AGMAT: variants seen among roughly 807,000 people sequenced by gnomAD.
The protein encoded by AGMAT is agmatinase (putative).
A neutral mutation model predicts 29.3 loss-of-function variants in AGMAT; 37 were observed. The observed-to-expected ratio is 1.26, with a 90% CI of 0.97 to 1.66. The LOEUF is 1.66. Ranked by LOEUF, AGMAT falls within the 40% of genes most tolerant of loss-of-function variation. The pLI is 0.00. For synonymous variants in AGMAT, 199 were observed against 200.8 expected, an observed-to-expected ratio of 0.99 and a Z score of 0.08; for missense variants, 498 against 497.8, an observed-to-expected ratio of 1.00 and a Z score of 0.00.
At chr1:15,576,305 T>A (rs1639036173) in intron 5 of AGMAT, among the ~76,000 whole-genome samples, 2 of 151,550 alleles carry the variant, frequency 1.3e-5, no homozygotes, top group Admixed American at 6.6e-5. Context: ...TTTCTCCATG[T>A]TAGGCTGGTC....
chr1:15,579,030 G>T lies in AGMAT; in HGVS notation c.549C>A (p.His183Gln). ...AKKHGPVGLL[H>Q]VDAHTDTTDK... Reference sequence around the variant, plus strand: ...CGGTCGTGTCCGTGTGCGCATCCACGTGCAGCAGCCCCACTGGGCCATGCC... The same window carrying T: ...CGGTCGTGTCCGTGTGCGCATCCACTTGCAGCAGCCCCACTGGGCCATGCC... The change falls in exon 4 of 7, where the codon CAC becomes CAA. Residue 183 changes from histidine to glutamine, a missense_variant. Transcript: ENST00000375826. 1.2e-6 allele frequency: 2 copies of T among 1,613,998 alleles called. No individual in the cohort carries two copies. Among genetic ancestry groups the T allele is most frequent in the Non-Finnish European group, 1.7e-6 (2 of 1,180,004 alleles).
Position 15,573,722 on chromosome 1 carries a change from T to A in AGMAT, c.988A>T (p.Asn330Tyr). 1 of 1,614,014 alleles carries A rather than the reference T, an allele frequency of 6.2e-7. No homozygotes were observed. Among genetic ancestry groups the A allele is most frequent in the Middle Eastern group, 1.7e-4 (1 of 6,010 alleles). ...EVSPPYDLSG[N>Y]TALLAANLLF... ...AGGTTAGCCGCCAGCAGGGCTGTGTTCCCTAAGAAAAAGTAAAACCTCACA... is the reference window on the plus strand; with the variant it reads ...AGGTTAGCCGCCAGCAGGGCTGTGTACCCTAAGAAAAAGTAAAACCTCACA... The change falls in exon 7 of 7, where the codon AAC becomes TAC. Residue 330 changes from asparagine to tyrosine, a missense_variant and splice_region_variant. By Grantham distance (143) the Asn-to-Tyr change is moderately radical. Coordinates refer to ENST00000375826, the MANE Select transcript of AGMAT (RefSeq NM_024758.5).
intron 5 of AGMAT, chr1:15,575,817 A>G (rs1042666777): frequency 6.6e-6 from 1 of 151,882 alleles, no homozygotes; most frequent in Non-Finnish European, 1.5e-5. Flanking sequence ...CAGTGGTATG[A>G]TCACGGCTCA....
intron 5 of AGMAT, chr1:15,575,744 T>C (rs1382338710): frequency 6.6e-6 from 1 of 150,974 alleles, no homozygotes; most frequent in East Asian, 1.9e-4. Context: ...TTTATTTATT[T>C]ATTTATTTAT....
chr1:15,572,378 G>T lies in AGMAT; in HGVS notation c.*1273C>A, dbSNP rs1638967020. On this transcript the variant is annotated 3_prime_UTR_variant, in exon 7 of 7. Transcript: ENST00000375826. ...TTTTTTTTTTTTTTTTTTTTTTTTGGAGACGGAGTCTCACTCTGTCACCCA... is the reference window on the plus strand; with the variant it reads ...TTTTTTTTTTTTTTTTTTTTTTTTGTAGACGGAGTCTCACTCTGTCACCCA... 1.3e-4 allele frequency: 5 copies of T among 38,708 alleles called. No homozygotes were observed. Among genetic ancestry groups the T allele is most frequent in the African/African-American group, 3.6e-4 (2 of 5,598 alleles). 2.4% of individuals were successfully genotyped at this position (38,708 alleles called of 1,614,324 possible).
At chr1:15,581,940 A>G (rs1003537015) in intron 2 of AGMAT, among the ~76,000 whole-genome samples, 1 of 152,054 alleles carries the variant, frequency 6.6e-6, no homozygotes, top group Non-Finnish European at 1.5e-5. Context: ...TCTTTCTGAT[A>G]ATAATAACAG....
In AGMAT at chr1:15,584,846, C is replaced by A. The variant is rs747148761; in HGVS notation, c.122G>T (p.Arg41Leu). 7.0e-7 allele frequency: 1 copy of A among 1,427,502 alleles called. No homozygotes were observed. Among genetic ancestry groups the A allele is most frequent in the Non-Finnish European group, 9.1e-7 (1 of 1,095,746 alleles). 88.4% of individuals were successfully genotyped at this position (1,427,502 alleles called of 1,614,324 possible). ...GAACTCGGGGCTGGGGGGCTGGTTC[C>A]GGGGCGCGTCGGAAGCCTGGCGGCT... is the stretch of plus-strand genomic sequence containing the variant. The part of the protein sequence containing the change: ...RQSRQASDAP[R>L]NQPPSPEFVA... Residue 41 changes from arginine to leucine, a missense_variant, in exon 1 of 7, where the codon CGG (arginine) becomes CTG (leucine). Transcript: ENST00000375826.
chr1:15,577,314 C>T (rs1639053791), intron 5 of AGMAT, among the ~76,000 whole-genome samples: 1 of 152,080 alleles, frequency 6.6e-6, no homozygotes, highest in Middle Eastern at 3.2e-3. Flanking sequence ...GTGGCTGACA[C>T]CCGTAATCCC....
chr1:15,577,597 C>A, intron 5 of AGMAT, 88 bp downstream of exon 5: 1 of 1,371,810 alleles, frequency 7.3e-7, no homozygotes, highest in Non-Finnish European at 1.0e-6. Flanking sequence ...AAATCCTATC[C>A]TGATTCCTAA....
Position 15,584,974 on chromosome 1 carries a change from G to A in AGMAT, c.-7C>T, listed in dbSNP as rs370269065. 7.5e-7 allele frequency: 1 copy of A among 1,327,888 alleles called. No homozygotes were observed. 82.3% of individuals were successfully genotyped at this position (1,327,888 alleles called of 1,614,324 possible). On this transcript the variant is annotated 5_prime_UTR_variant, in exon 1 of 7. Transcript: ENST00000375826. ...ACGCCAGCAGCCTCAGCATTGCCGC[G>A]CGCGGCCAAGACCTCACCGACCAAA...
intron 1 of AGMAT, among the ~76,000 whole-genome samples, chr1:15,584,108 A>G (rs2103440904): frequency 6.6e-6 from 1 of 152,302 alleles, no homozygotes; most frequent in South Asian, 2.1e-4. Flanking sequence ...AGGCCCCAGG[A>G]TGGGGACACA....
At chr1:15,584,637 C>A (rs1639159893) in intron 1 of AGMAT, 59 bp downstream of exon 1, 1 of 1,256,244 alleles carries the variant, frequency 8.0e-7, no homozygotes, top group Non-Finnish European at 1.0e-6. Flanking sequence ...GCTTTCCATG[C>A]CCGACAGCCA....
At chr1:15,578,282 C>T (rs897845255) in intron 4 of AGMAT, among the ~76,000 whole-genome samples, 9 of 151,814 alleles carry the variant, frequency 5.9e-5, no homozygotes, top group South Asian at 2.1e-4. Flanking sequence ...ATCTTGGGTC[C>T]GGACTTCCTC....
At chr1:15,578,174 G>T (rs1639064899) in intron 4 of AGMAT, among the ~76,000 whole-genome samples, 1 of 152,200 alleles carries the variant, frequency 6.6e-6, no homozygotes, top group African/African-American at 2.4e-5. Context: ...AAAAGCAAGG[G>T]ATTTGGGTCT....
At position 15,577,829 on chromosome 1, in the gene AGMAT, C is replaced by G; in HGVS notation, c.756G>C (p.Met252Ile). 1 of 1,614,216 alleles carries G rather than the reference C, an allele frequency of 6.2e-7. No homozygotes were observed. Among genetic ancestry groups the G allele is most frequent in the South Asian group, 1.1e-5 (1 of 91,088 alleles). ...CCCCCATCAGAGGAACCAGCGACTT[C>G]ATCCAGCAGTCTTCAGCCAGGACTA... is the stretch of plus-strand genomic sequence containing the variant. ...FRVVLAEDCW[M>I]KSLVPLMGEV... Residue 252 changes from methionine (M) to isoleucine (I), a missense_variant, in exon 5 of 7, where the codon ATG becomes ATC. Physicochemically the swap from Met to Ile is conservative, Grantham distance 10 (BLOSUM62 1). Coordinates refer to ENST00000375826, the MANE Select transcript of AGMAT (RefSeq NM_024758.5).
chr1:15,584,100 G>A (rs1388015102), intron 1 of AGMAT, among the ~76,000 whole-genome samples: 3 of 152,162 alleles, frequency 2.0e-5, no homozygotes, highest in Non-Finnish European at 4.4e-5. Context: ...TCCCAGCAAG[G>A]CCCCAGGATG....
chr1:15,575,212 AAC>A (rs1639021509), intron 5 of AGMAT: 1 of 168,346 alleles, frequency 5.9e-6, no homozygotes, highest in African/African-American at 2.4e-5. Flanking sequence ...CAGAGGGAAA[AAC>A]ACAGGCAAAG....
At chr1:15,579,689 G>C (rs1295567073) in intron 3 of AGMAT, among the ~76,000 whole-genome samples, 1 of 152,164 alleles carries the variant, frequency 6.6e-6, no homozygotes, top group African/African-American at 2.4e-5. Flanking sequence ...ATTGAGAAAG[G>C]TGCCCTTTCA....
chr1:15,577,044 C>A (rs1639050455), intron 5 of AGMAT, among the ~76,000 whole-genome samples: 1 of 151,942 alleles, frequency 6.6e-6, no homozygotes, highest in Admixed American at 6.6e-5. Context: ...GCCACCGTGC[C>A]CGGCCAAGTT....
Sources: allele counts gnomAD v4.1 joint callset (sites outside exome capture counted in the v4.1 genomes callset), GRCh38; gene constraint gnomAD v4.1.1; transcripts MANE v1.5; gene names NCBI Gene and HGNC (gene_info 2026-07-23, HGNC 2026-07-21).